The following APBA1 variants were observed in gnomAD, a reference collection of about 807,000 sequenced individuals.
APBA1 encodes the protein amyloid beta precursor protein binding family A member 1.
In APBA1, 55 loss-of-function variants were observed where a neutral mutation model predicts 86.6. That is an observed-to-expected ratio of 0.64 (90% confidence interval 0.51 to 0.80). APBA1 has a LOEUF of 0.80. Among genes scored for constraint, APBA1 ranks in the 30% least tolerant of loss-of-function variants. The probability of loss-of-function intolerance (pLI) is 0.00; values close to 1 mark genes in which losing one functional copy is unlikely to be tolerated. For missense variants in APBA1, 1,090 were observed against 1,183.0 expected (o/e 0.92, Z 1.15); for synonymous variants, 511 against 493.9 (o/e 1.03, Z -0.46).
chr9:69,471,883 G>T (rs1435858403), intron 3 of APBA1, among the ~76,000 whole-genome samples, 188 bp from the exon 4 acceptor site: 3 of 152,144 alleles, frequency 2.0e-5, no homozygotes, highest in African/African-American at 7.2e-5. Context: ...CTAAAACCCA[G>T]AATAGTCCAT....
chr9:69,476,456 G>T (rs887377087), intron 2 of APBA1, among the ~76,000 whole-genome samples: 2 of 152,088 alleles, frequency 1.3e-5, no homozygotes, highest in African/African-American at 4.8e-5. Context: ...TTGAGCTAAG[G>T]ATATTACACA....
At chr9:69,450,182 T>G (rs1031168092) in intron 9 of APBA1, among the ~76,000 whole-genome samples, 1 of 151,738 alleles carries the variant, frequency 6.6e-6, no homozygotes, top group Non-Finnish European at 1.5e-5. Flanking sequence ...CATGCGCAGG[T>G]TCCCCCTCCC....
intron 1 of APBA1, among the ~76,000 whole-genome samples, chr9:69,544,444 C>T (rs1292524041): frequency 6.6e-6 from 1 of 152,134 alleles, no homozygotes; most frequent in Non-Finnish European, 1.5e-5. Flanking sequence ...TACTCCCATG[C>T]AGTAAGATGT....
At chr9:69,487,067 C>T (rs1274780507) in intron 2 of APBA1, among the ~76,000 whole-genome samples, 1 of 151,860 alleles carries the variant, frequency 6.6e-6, no homozygotes, top group East Asian at 1.9e-4. Flanking sequence ...TAATAAGAAT[C>T]CCCCAAAGCT....
chr9:69,565,661 A>G (rs1405781880), intron 1 of APBA1, among the ~76,000 whole-genome samples: 2 of 152,018 alleles, frequency 1.3e-5, no homozygotes, highest in Admixed American at 6.6e-5. Context: ...TCAATGGTTC[A>G]TCCTCCCCTC....
chr9:69,467,036 A>G (rs1431780356), intron 5 of APBA1, among the ~76,000 whole-genome samples: 1 of 152,206 alleles, frequency 6.6e-6, no homozygotes, highest in Non-Finnish European at 1.5e-5. Context: ...CTGGTGGCAC[A>G]ATGGCATGTG....
At chr9:69,541,258 C>T (rs1380351263) in intron 1 of APBA1, among the ~76,000 whole-genome samples, 1 of 149,176 alleles carries the variant, frequency 6.7e-6, no homozygotes, top group African/African-American at 2.5e-5. Context: ...GGGACCCCCC[C>T]CCCCATTCTG....
At chr9:69,597,681 A>G (rs1049466855) in intron 1 of APBA1, among the ~76,000 whole-genome samples, 49 of 152,272 alleles carry the variant, frequency 3.2e-4, no homozygotes, top group African/African-American at 1.1e-3. Context: ...TCTTGAATTG[A>G]TTTTTGTATA....
At chr9:69,469,984 G>A (rs1208573885) in intron 4 of APBA1, among the ~76,000 whole-genome samples, 1 of 152,112 alleles carries the variant, frequency 6.6e-6, no homozygotes, top group Non-Finnish European at 1.5e-5. Context: ...CTGATTTGGC[G>A]CTATTCACTG....
Position 69,513,488 on chromosome 9 carries a change from A to G in APBA1, c.1200+2523T>C, listed in dbSNP as rs187937167. Among the ~76,000 whole-genome samples, 5 of 152,214 alleles carry G rather than the reference A, an allele frequency of 3.3e-5. No individual in the cohort carries two copies. The East Asian group carries it at 5.8e-4, about 18-fold the overall frequency. On this transcript the variant is annotated intron_variant, in intron 2 of 12. Coordinates refer to ENST00000265381, the MANE Select transcript of APBA1 (RefSeq NM_001163.4). ...GGATACAGAAGCCAGCCTTTTGTCAACTCCCTACTTTTGAAAACCTGCTCT... is the reference window on the plus strand; with the variant it reads ...GGATACAGAAGCCAGCCTTTTGTCAGCTCCCTACTTTTGAAAACCTGCTCT...
chr9:69,520,508 G>A (rs1249605302), intron 1 of APBA1, among the ~76,000 whole-genome samples: 7 of 152,084 alleles, frequency 4.6e-5, no homozygotes, highest in African/African-American at 1.7e-4. Flanking sequence ...AATATTAAGC[G>A]CTAATATTTA....
intron 1 of APBA1, among the ~76,000 whole-genome samples, chr9:69,530,296 T>TTGTG (rs554992215): frequency 1.0e-5 from 1 of 98,798 alleles, no homozygotes; most frequent in East Asian, 2.7e-4. Context: ...AAGAAAAAAG[T>TTGTG]TGTGTGTGTG....
chr9:69,474,486 T>G (rs933248176), intron 3 of APBA1: 1 of 152,262 alleles, frequency 6.6e-6, no homozygotes, highest in African/African-American at 2.4e-5. Flanking sequence ...ACATTGTCAA[T>G]GCTCAAGAAA....
intron 1 of APBA1, among the ~76,000 whole-genome samples, chr9:69,572,652 G>T (rs1398146393): frequency 6.6e-6 from 1 of 152,072 alleles, no homozygotes; most frequent in African/African-American, 2.4e-5. Flanking sequence ...GGGAGTCCTG[G>T]AGCCCCCAGT....
intron 2 of APBA1, among the ~76,000 whole-genome samples, chr9:69,477,230 G>C (rs1835464978): frequency 6.6e-6 from 1 of 151,676 alleles, no homozygotes; most frequent in Non-Finnish European, 1.5e-5. Flanking sequence ...TCACTAGGGA[G>C]TGCCAGACAG....
At chr9:69,562,426 G>C (rs1048979175) in intron 1 of APBA1, among the ~76,000 whole-genome samples, 1 of 151,284 alleles carries the variant, frequency 6.6e-6, no homozygotes, top group African/African-American at 2.4e-5. Context: ...CCAGGCTGGA[G>C]TGCAGTGGCA....
chr9:69,566,235 C>T (rs901493022), intron 1 of APBA1, among the ~76,000 whole-genome samples: 1 of 152,220 alleles, frequency 6.6e-6, no homozygotes, highest in Non-Finnish European at 1.5e-5. Context: ...TTAGGGACAT[C>T]ATCAACAACA....
At chr9:69,436,585 T>TTGG (rs1285111415) in intron 11 of APBA1, among the ~76,000 whole-genome samples, 20 of 127,504 alleles carry the variant, frequency 1.6e-4, no homozygotes, top group Non-Finnish European at 2.0e-4. Flanking sequence ...CTGTTTGTTG[T>TTGG]TGGTGTATAA....
chr9:69,613,167 A>G (rs1276406489), intron 1 of APBA1, among the ~76,000 whole-genome samples: 10 of 150,878 alleles, frequency 6.6e-5, no homozygotes, highest in Admixed American at 6.6e-4. Context: ...GAGCTTTGAT[A>G]TTAAAAATAC....
Sources: allele counts gnomAD v4.1 joint callset (sites outside exome capture counted in the v4.1 genomes callset), GRCh38; gene constraint gnomAD v4.1.1; transcripts MANE v1.5; gene names NCBI Gene and HGNC (gene_info 2026-07-23, HGNC 2026-07-21).